ADGRF5: variants seen among roughly 807,000 people sequenced by gnomAD.
ADGRF5 encodes adhesion G protein-coupled receptor F5, also known as G-protein coupled receptor 116.
In ADGRF5, 75 loss-of-function variants were observed where a neutral mutation model predicts 132.3. That is an observed-to-expected ratio of 0.57 (90% CI 0.47 to 0.69). The LOEUF (loss-of-function observed/expected upper bound fraction) is 0.69. Among genes scored for constraint, ADGRF5 ranks in the 30% least tolerant of loss-of-function variants. The pLI, the probability that ADGRF5 is intolerant of heterozygous loss-of-function variation, is 0.00. For missense variants in ADGRF5, 1,516 were observed against 1,630.6 expected (o/e 0.93, Z 1.21); for synonymous variants, 629 against 597.6 (o/e 1.05, Z -0.77).
At chr6:46,941,387 CAAAGA>C (rs766352637) in intron 1 of ADGRF5, among the ~76,000 whole-genome samples, 2,148 of 83,026 alleles carry the variant, frequency 0.026, 33 homozygotes, top group Middle Eastern at 0.049. Context: ...AAGAAAGAAA[CAAAGA>C]AAAGAAAAGA....
chr6:46,886,922 A>G (rs1773122739), intron 4 of ADGRF5: 2 of 152,170 alleles, frequency 1.3e-5, no homozygotes, highest in Admixed American at 6.5e-5. Context: ...CACCCCCTCT[A>G]TGTGTGAATG....
intron 1 of ADGRF5, chr6:46,907,984 G>A (rs1031875329): frequency 6.6e-6 from 1 of 152,196 alleles, no homozygotes; most frequent in Non-Finnish European, 1.5e-5. Context: ...AGAAGGGCAG[G>A]CTTTGGCTGC....
At chr6:46,953,663 A>ATATATATATAGATATATG (rs1561846933) in intron 1 of ADGRF5, among the ~76,000 whole-genome samples, 5 of 127,722 alleles carry the variant, frequency 3.9e-5, no homozygotes, top group African/African-American at 1.3e-4. Flanking sequence ...ATATATATAT[A>ATATATATATAGATATATG]TATATATATA....
intron 13 of ADGRF5, 47 bp downstream of exon 13, chr6:46,866,878 C>T (rs1055149189): frequency 3.4e-6 from 4 of 1,189,370 alleles, no homozygotes; most frequent in Non-Finnish European, 5.0e-6. Context: ...TTAGACTCCA[C>T]ATATGTGAAA....
At chr6:46,900,713 T>A (rs1581918782) in intron 2 of ADGRF5, among the ~76,000 whole-genome samples, 1 of 152,226 alleles carries the variant, frequency 6.6e-6, no homozygotes, top group Non-Finnish European at 1.5e-5. Context: ...TTATCCTCGC[T>A]GAGCTTCAGG....
intron 1 of ADGRF5, among the ~76,000 whole-genome samples, chr6:46,952,318 A>C (rs1229061108): frequency 6.6e-6 from 1 of 152,196 alleles, no homozygotes; most frequent in Non-Finnish European, 1.5e-5. Flanking sequence ...GGATGACAAA[A>C]AGTAAGTCCT....
At chr6:46,901,706 A>G (rs1335246847) in intron 2 of ADGRF5, among the ~76,000 whole-genome samples, 1 of 151,820 alleles carries the variant, frequency 6.6e-6, no homozygotes, top group African/African-American at 2.4e-5. Flanking sequence ...GCACTGCATC[A>G]TCTTATCAGC....
At chr6:46,909,793 A>G (rs1273139415) in intron 1 of ADGRF5, among the ~76,000 whole-genome samples, 1 of 152,042 alleles carries the variant, frequency 6.6e-6, no homozygotes, top group African/African-American at 2.4e-5. Context: ...TGAGCAACAA[A>G]CTGAGACTCT....
intron 1 of ADGRF5, among the ~76,000 whole-genome samples, chr6:46,926,989 G>C (rs1777283143): frequency 6.6e-6 from 1 of 152,090 alleles, no homozygotes; most frequent in South Asian, 2.1e-4. Context: ...ACCATATACT[G>C]CAGTAACAGC....
At chr6:46,908,350 C>T (rs1775605966) in intron 1 of ADGRF5, among the ~76,000 whole-genome samples, 1 of 152,070 alleles carries the variant, frequency 6.6e-6, no homozygotes, top group Non-Finnish European at 1.5e-5. Context: ...ATTGAACAGG[C>T]TAATACAGAA....
upstream of ADGRF5, among the ~76,000 whole-genome samples, chr6:46,923,257 G>A (rs550835807): frequency 7.4e-4 from 112 of 152,204 alleles, no homozygotes; most frequent in African/African-American, 2.6e-3. Flanking sequence ...TGTGAAAGTG[G>A]GATAATAATA....
intron 8 of ADGRF5, 87 bp from the exon 9 acceptor site, chr6:46,880,126 T>G: frequency 1.1e-6 from 1 of 878,526 alleles, no homozygotes; most frequent in Non-Finnish European, 1.8e-6. Flanking sequence ...CACAAGGCTC[T>G]TGGAGATCTT....
intron 1 of ADGRF5, among the ~76,000 whole-genome samples, chr6:46,907,133 A>G (rs1775468839): frequency 6.6e-6 from 1 of 152,216 alleles, no homozygotes; most frequent in Non-Finnish European, 1.5e-5. Context: ...TGGTATTTTC[A>G]ATTCTATCAT....
At chr6:46,866,864 AT>A in intron 13 of ADGRF5, 60 bp downstream of exon 13, 2 of 1,034,598 alleles carry the variant, frequency 1.9e-6, no homozygotes, top group South Asian at 1.4e-5. Flanking sequence ...TTAAGACTAA[AT>A]TTTTAGACTC....
intron 2 of ADGRF5, among the ~76,000 whole-genome samples, chr6:46,906,280 C>T (rs1775356506): frequency 6.6e-6 from 1 of 152,192 alleles, no homozygotes; most frequent in Non-Finnish European, 1.5e-5. Flanking sequence ...CCTTTGAGAA[C>T]ATACATTCTG....
At chr6:46,871,355 A>C (rs1466438121) in intron 11 of ADGRF5, among the ~76,000 whole-genome samples, 1 of 152,192 alleles carries the variant, frequency 6.6e-6, no homozygotes, top group Non-Finnish European at 1.5e-5. Flanking sequence ...CAGATTATTA[A>C]GGCTTTCTGC....
At chr6:46,905,002 C>A (rs138035370) in intron 2 of ADGRF5, among the ~76,000 whole-genome samples, 1 of 152,146 alleles carries the variant, frequency 6.6e-6, no homozygotes, top group African/African-American at 2.4e-5. Context: ...TCAGCTTATC[C>A]CCTGACCAGC....
At chr6:46,940,223 C>T (rs1357603168) in intron 1 of ADGRF5, among the ~76,000 whole-genome samples, 1 of 152,186 alleles carries the variant, frequency 6.6e-6, no homozygotes, top group Non-Finnish European at 1.5e-5. Flanking sequence ...ACTCTTGATT[C>T]ATCACTCATG....
intron 1 of ADGRF5, among the ~76,000 whole-genome samples, chr6:46,933,723 A>T (rs908581911): frequency 6.6e-6 from 1 of 152,198 alleles, no homozygotes; most frequent in African/African-American, 2.4e-5. Flanking sequence ...TCAGCCCTCC[A>T]CAGCTCCCAT....
Sources: allele counts gnomAD v4.1 joint callset (sites outside exome capture counted in the v4.1 genomes callset), GRCh38; gene constraint gnomAD v4.1.1; transcripts MANE v1.5; gene names NCBI Gene and HGNC (gene_info 2026-07-23, HGNC 2026-07-21).